Variants in PCDH11X observed in about 807,000 individuals in gnomAD.
The protein encoded by PCDH11X is protocadherin 11 X-linked, also known as protocadherin-11 X-linked.
A neutral mutation model predicts 53.3 loss-of-function variants in PCDH11X; 18 were observed. That is an observed-to-expected ratio of 0.34 (90% CI 0.23 to 0.50). The LOEUF (loss-of-function observed/expected upper bound fraction) is 0.50, where lower values mean the gene tolerates loss of function less well. PCDH11X is among the 20% of genes least tolerant of loss of function. The pLI, the probability that PCDH11X is intolerant of heterozygous loss-of-function variation, is 0.98. For synonymous variants in PCDH11X, 279 were observed against 393.3 expected, an observed-to-expected ratio of 0.71 and a Z score of 3.44; for missense variants, 570 against 1,032.4, an observed-to-expected ratio of 0.55 and a Z score of 6.14.
At chrX:92,257,699 G>T (rs1283951503) in intron 7 of PCDH11X, among the ~76,000 whole-genome samples, 1 of 112,523 alleles carries the variant, frequency 8.9e-6, no homozygotes, top group East Asian at 2.8e-4. Flanking sequence ...AATCTCCTTT[G>T]GCTCCATATC....
intron 10 of PCDH11X, among the ~76,000 whole-genome samples, chrX:92,547,603 A>G (rs914131776): frequency 1.8e-5 from 2 of 110,394 alleles, no homozygotes; most frequent in African/African-American, 6.6e-5. Flanking sequence ...CTTTTCTTAT[A>G]CCATTATGAG....
rs944597215 is a variant in PCDH11X, at chrX:92,621,234, AC to A, written c.*2295del. 9.6e-6 allele frequency: 1 copy of A among 104,070 alleles called. No homozygotes were observed. Among genetic ancestry groups the A allele is most frequent in the African/African-American group, 3.7e-5 (1 of 27,213 alleles). The allele number at this position is 104,070 out of a possible 1,213,427, so 8.6% of individuals were successfully genotyped here. On this transcript the variant is annotated 3_prime_UTR_variant, in exon 11 of 11. Transcript: ENST00000682573. ...TAACTTATCAGGCATCTCAATGGTT[AC>A]TATCTATGTTAGTGAAAATCAAATA... is the stretch of plus-strand genomic sequence containing the variant.
At chrX:91,808,923 A>G (rs1488646824) in intron 1 of PCDH11X, among the ~76,000 whole-genome samples, 3 of 109,254 alleles carry the variant, frequency 2.7e-5, no homozygotes, top group Non-Finnish European at 5.7e-5. Context: ...GATCATATTT[A>G]TCTTTAGTAA....
intron 6 of PCDH11X, among the ~76,000 whole-genome samples, chrX:91,965,915 T>C (rs771773155): frequency 9.0e-6 from 1 of 111,700 alleles, no homozygotes; most frequent in East Asian, 2.8e-4. Flanking sequence ...AGATGACAAG[T>C]ATTACCAAGG....
intron 10 of PCDH11X, among the ~76,000 whole-genome samples, chrX:92,517,676 C>T (rs1042245527): frequency 7.3e-5 from 8 of 109,822 alleles, no homozygotes; most frequent in Non-Finnish European, 1.3e-4. Flanking sequence ...ATTAATTATA[C>T]GAAAATTAAT....
At chrX:92,264,375 C>T (rs2067779993) in intron 8 of PCDH11X, among the ~76,000 whole-genome samples, 1 of 111,403 alleles carries the variant, frequency 9.0e-6, no homozygotes, top group African/African-American at 3.3e-5. Context: ...TGAAAGTCAG[C>T]TCCTCCCAGA....
In PCDH11X at chrX:92,295,184, G is replaced by A. The variant is rs751464432; in HGVS notation, c.3144+32041G>A. On this transcript the variant is annotated intron_variant, in intron 8 of 10. Coordinates refer to ENST00000682573, the MANE Select transcript of PCDH11X (RefSeq NM_032968.5). ...ATATGACTCATGAATAATATGGTAA[G>A]CACTGAACTGTAAGTAATCATAGAA... 2.7e-5 allele frequency among the ~76,000 whole-genome samples: 3 copies of A among 110,072 alleles called. No homozygotes were observed. In the East Asian group the frequency reaches 8.6e-4, roughly 32 times the overall value.
intron 7 of PCDH11X, among the ~76,000 whole-genome samples, chrX:92,246,501 G>A (rs770865528): frequency 4.0e-4 from 44 of 110,523 alleles, no homozygotes; most frequent in African/African-American, 1.4e-3. Flanking sequence ...TACAGTGCCC[G>A]GAACCATGCC....
chrX:92,494,434 T>C (rs1305101115), intron 10 of PCDH11X, among the ~76,000 whole-genome samples: 1 of 107,030 alleles, frequency 9.3e-6, no homozygotes, highest in Non-Finnish European at 1.9e-5. Flanking sequence ...GTATTAAATA[T>C]CACTGTCAGT....
At chrX:92,122,782 C>T (rs1429164660) in intron 6 of PCDH11X, among the ~76,000 whole-genome samples, 6 of 109,735 alleles carry the variant, frequency 5.5e-5, no homozygotes, top group Non-Finnish European at 1.1e-4. Context: ...ACTAAAATTG[C>T]AAAACTTACC....
intron 1 of PCDH11X, among the ~76,000 whole-genome samples, chrX:91,803,379 C>G (rs1163901900): frequency 1.8e-5 from 2 of 110,331 alleles, no homozygotes; most frequent in African/African-American, 6.6e-5. Flanking sequence ...TTTCTAAACT[C>G]GGATTTCAAA....
At chrX:92,032,141 TG>T (rs966313580) in intron 6 of PCDH11X, among the ~76,000 whole-genome samples, 2 of 111,980 alleles carry the variant, frequency 1.8e-5, no homozygotes, top group African/African-American at 6.5e-5. Flanking sequence ...CCATTTTTTT[TG>T]TCCTCTACAG....
chrX:92,355,449 G>A (rs201341815), intron 8 of PCDH11X, among the ~76,000 whole-genome samples: 5,539 of 50,814 alleles, frequency 0.11, 199 homozygotes, highest in African/African-American at 0.18. Flanking sequence ...AAAAAAAAAA[G>A]AAATTGTTGA....
At chrX:92,259,090 A>C (rs1009152400) in intron 7 of PCDH11X, among the ~76,000 whole-genome samples, 5 of 110,455 alleles carry the variant, frequency 4.5e-5, no homozygotes, top group African/African-American at 9.9e-5. Context: ...ATTTGGTCAC[A>C]ACAATTTAAC....
intron 10 of PCDH11X, among the ~76,000 whole-genome samples, chrX:92,511,820 A>G (rs2074166222): frequency 9.0e-6 from 1 of 111,572 alleles, no homozygotes; most frequent in South Asian, 3.8e-4. Context: ...CTGATGGTGT[A>G]CATACTCTTA....
At chrX:92,549,761 A>T (rs2074923027) in intron 10 of PCDH11X, among the ~76,000 whole-genome samples, 1 of 110,608 alleles carries the variant, frequency 9.0e-6, no homozygotes, top group African/African-American at 3.3e-5. Context: ...TATACATAAA[A>T]AGAAACTCAA....
chrX:91,857,051 A>T (rs961247816), intron 5 of PCDH11X, among the ~76,000 whole-genome samples: 5 of 111,403 alleles, frequency 4.5e-5, no homozygotes, highest in African/African-American at 1.6e-4. Context: ...GACATACCCA[A>T]GACTGGGTAA....
intron 6 of PCDH11X, among the ~76,000 whole-genome samples, chrX:91,984,603 A>G (rs1238471645): frequency 9.0e-6 from 1 of 110,744 alleles, no homozygotes; most frequent in Admixed American, 9.7e-5. Context: ...GCAACCTGGG[A>G]GTATTACCTT....
At chrX:92,184,108 A>G (rs963985297) in intron 6 of PCDH11X, among the ~76,000 whole-genome samples, 33 of 112,039 alleles carry the variant, frequency 2.9e-4, no homozygotes, top group South Asian at 7.3e-4. Context: ...GTAGGCGCTC[A>G]GTAAATATTT....
Sources: allele counts gnomAD v4.1 joint callset (sites outside exome capture counted in the v4.1 genomes callset), GRCh38; gene constraint gnomAD v4.1.1; transcripts MANE v1.5; gene names NCBI Gene and HGNC (gene_info 2026-07-23, HGNC 2026-07-21).